CTTNBP2: variants seen among roughly 807,000 people sequenced by gnomAD.
CTTNBP2 encodes cortactin binding protein 2.
A neutral mutation model predicts 156.9 loss-of-function variants in CTTNBP2; 108 were observed. The observed-to-expected ratio is 0.69, with a 90% CI of 0.59 to 0.81. The LOEUF (loss-of-function observed/expected upper bound fraction) is 0.81. CTTNBP2 is among the 30% of genes least tolerant of loss of function. The pLI is 0.00. For missense variants in CTTNBP2, 1,924 were observed against 2,035.4 expected, an observed-to-expected ratio of 0.95 and a Z score of 1.05; for synonymous variants, 767 against 751.8, an observed-to-expected ratio of 1.02 and a Z score of -0.33.
chr7:117,836,444 G>C (rs1340078749), intron 2 of CTTNBP2, among the ~76,000 whole-genome samples: 1 of 152,006 alleles, frequency 6.6e-6, no homozygotes, highest in East Asian at 1.9e-4. Flanking sequence ...GGCGCCTGTA[G>C]TCCCAGCCAC....
intron 3 of CTTNBP2, among the ~76,000 whole-genome samples, chr7:117,805,764 C>CATTTA: frequency 6.6e-6 from 1 of 151,964 alleles, no homozygotes; most frequent in South Asian, 2.1e-4. Flanking sequence ...GTCAGTATAA[C>CATTTA]AGCAGTGAAT....
chr7:117,802,162 GT>G (rs1438537263), intron 3 of CTTNBP2, among the ~76,000 whole-genome samples: 1 of 149,036 alleles, frequency 6.7e-6, no homozygotes, highest in Non-Finnish European at 1.5e-5. Context: ...GCGGTGTTTG[GT>G]TTTTTGTTCT....
At chr7:117,765,492 C>T (rs993541598) in intron 9 of CTTNBP2, among the ~76,000 whole-genome samples, 1 of 152,130 alleles carries the variant, frequency 6.6e-6, no homozygotes, top group South Asian at 2.1e-4. Flanking sequence ...CATCTGGATA[C>T]TGGGATTCAG....
intron 12 of CTTNBP2, among the ~76,000 whole-genome samples, chr7:117,753,144 A>C (rs1406103404): frequency 2.0e-5 from 3 of 152,242 alleles, no homozygotes; most frequent in Non-Finnish European, 4.4e-5. Context: ...TGGCCAACAC[A>C]TGAAAAAAAG....
intron 12 of CTTNBP2, among the ~76,000 whole-genome samples, chr7:117,754,686 T>C (rs1052873631): frequency 2.6e-4 from 39 of 152,258 alleles, no homozygotes; most frequent in Non-Finnish European, 8.8e-5. Context: ...ACATTTTTAT[T>C]ATATTCATTC....
At chr7:117,870,056 A>G (rs1804476153) in intron 1 of CTTNBP2, among the ~76,000 whole-genome samples, 1 of 152,160 alleles carries the variant, frequency 6.6e-6, no homozygotes, top group Non-Finnish European at 1.5e-5. Context: ...TCATCCTTCT[A>G]TGGAAGTTTC....
intron 2 of CTTNBP2, among the ~76,000 whole-genome samples, chr7:117,842,362 G>A (rs1381020005): frequency 6.6e-6 from 1 of 151,968 alleles, no homozygotes; most frequent in East Asian, 1.9e-4. Context: ...CACCACATCT[G>A]GCTAATTTTT....
chr7:117,873,121 G>A (rs934766651), intron 1 of CTTNBP2, among the ~76,000 whole-genome samples: 1 of 152,216 alleles, frequency 6.6e-6, no homozygotes, highest in Non-Finnish European at 1.5e-5. Context: ...GGAAGGGACA[G>A]GAGGGATCCC....
At chr7:117,824,282 C>A (rs1030672599) in intron 2 of CTTNBP2, among the ~76,000 whole-genome samples, 82 of 151,758 alleles carry the variant, frequency 5.4e-4, no homozygotes, top group African/African-American at 1.9e-3. Context: ...GGGCATATAG[C>A]CCTTTTAATC....
At chr7:117,814,146 A>G (rs1800440564) in intron 2 of CTTNBP2, among the ~76,000 whole-genome samples, 4 of 152,208 alleles carry the variant, frequency 2.6e-5, no homozygotes, top group Non-Finnish European at 5.9e-5. Context: ...TGGGTTAAAA[A>G]TTAAAATTAA....
chr7:117,760,570 C>A lies in CTTNBP2; in HGVS notation c.3037G>T (p.Val1013Leu). 3.1e-6 allele frequency: 5 copies of A among 1,614,160 alleles called. No homozygotes were observed. Among genetic ancestry groups the A allele is most frequent in the Non-Finnish European group, 4.2e-6 (5 of 1,180,008 alleles). The change falls in exon 10 of 23, where the codon GTG (valine) becomes TTG (leucine). Residue 1013 changes from valine (V) to leucine (L), a missense_variant. By Grantham distance (32) the Val-to-Leu change is conservative (BLOSUM62 1). Transcript: ENST00000160373. ...AAATGATTTGTCAGAGCTTGACTCA[C>A]TGCTTTTGAAAAATCATCCCATGAT... ...QTSWDDFSKA[V>L]SQALTNHFQA...
At chr7:117,784,821 T>C (rs1461471250) in intron 4 of CTTNBP2, among the ~76,000 whole-genome samples, 1 of 152,206 alleles carries the variant, frequency 6.6e-6, no homozygotes, top group Non-Finnish European at 1.5e-5. Context: ...ATGTAAAGGT[T>C]TTACAAGGTA....
Position 117,753,848 on chromosome 7 carries a change from G to A in CTTNBP2, c.3348+2707C>T, listed in dbSNP as rs75928178. Among the ~76,000 whole-genome samples, 375 of 152,272 alleles carry A rather than the reference G, an allele frequency of 2.5e-3. 2 individuals carry two copies. Among genetic ancestry groups the A allele is most frequent in the Middle Eastern group, 0.014 (4 of 294 alleles). On this transcript the variant is annotated intron_variant, in intron 12 of 22. Transcript: ENST00000160373. ...TCTAGATGATGGGATGATCTGTGTAGCAAACCACCATGGCACACATTTACT... is the reference window on the plus strand; with the variant it reads ...TCTAGATGATGGGATGATCTGTGTAACAAACCACCATGGCACACATTTACT...
At chr7:117,846,772 C>G (rs967865428) in intron 2 of CTTNBP2, among the ~76,000 whole-genome samples, 2 of 152,078 alleles carry the variant, frequency 1.3e-5, no homozygotes, top group Non-Finnish European at 2.9e-5. Flanking sequence ...TAACCATCTT[C>G]ATTCCTTAGT....
intron 1 of CTTNBP2, among the ~76,000 whole-genome samples, chr7:117,864,403 C>T (rs1647076305): frequency 6.6e-6 from 1 of 151,954 alleles, no homozygotes. Context: ...AATTTCTCTA[C>T]TAATTCCTGG....
intron 8 of CTTNBP2, among the ~76,000 whole-genome samples, chr7:117,770,567 C>T (rs1797747156): frequency 6.6e-6 from 1 of 152,202 alleles, no homozygotes; most frequent in Admixed American, 6.5e-5. Flanking sequence ...GCCCTCACAG[C>T]AACTTTATAA....
chr7:117,808,874 C>T (rs999722206), intron 3 of CTTNBP2, among the ~76,000 whole-genome samples: 6 of 152,088 alleles, frequency 3.9e-5, no homozygotes, highest in African/African-American at 9.7e-5. Context: ...TCAGCTGATA[C>T]GGTATTTTCT....
intron 2 of CTTNBP2, among the ~76,000 whole-genome samples, chr7:117,839,200 G>A (rs1441964202): frequency 6.6e-6 from 1 of 152,096 alleles, no homozygotes; most frequent in Non-Finnish European, 1.5e-5. Flanking sequence ...TCACCTGTCT[G>A]GCAGATAAGC....
intron 2 of CTTNBP2, among the ~76,000 whole-genome samples, chr7:117,815,317 A>T (rs778854371): frequency 6.2e-4 from 95 of 152,286 alleles, no homozygotes; most frequent in Non-Finnish European, 1.2e-3. Context: ...AGATGCTATA[A>T]TATGAATGCA....
Sources: allele counts gnomAD v4.1 joint callset (sites outside exome capture counted in the v4.1 genomes callset), GRCh38; gene constraint gnomAD v4.1.1; transcripts MANE v1.5; gene names NCBI Gene and HGNC (gene_info 2026-07-23, HGNC 2026-07-21).